SMPD3: variants seen among roughly 807,000 people sequenced by gnomAD.
SMPD3 encodes nSMase-2.
Under a neutral mutation model 55.7 loss-of-function variants are expected in SMPD3, and 21 were observed. That is an observed-to-expected ratio of 0.38 (90% CI 0.27 to 0.54). The LOEUF (loss-of-function observed/expected upper bound fraction) is 0.54. Among genes scored for constraint, SMPD3 ranks in the 20% least tolerant of loss-of-function variants. SMPD3 has a pLI of 0.80. For synonymous variants in SMPD3, 457 were observed against 404.3 expected, an observed-to-expected ratio of 1.13 and a Z score of -1.56; for missense variants, 842 against 899.6, an observed-to-expected ratio of 0.94 and a Z score of 0.82.
At position 68,447,658 on chromosome 16, in the gene SMPD3, G is replaced by T. The variant is rs977698138; in HGVS notation, c.-269+695C>A. ...GCGACTCCGAGAAGGATGGGGAGGG[G>T]TCTCCCAGCGTTTCCCTGCCACATT... is the stretch of plus-strand genomic sequence containing the variant. On this transcript the variant is annotated intron_variant, in intron 1 of 8. Transcript: ENST00000219334. This position sits in a 1 kb window ranked among gnomAD's most constrained non-coding sequence, Gnocchi z 5.1. Among the ~76,000 whole-genome samples, 4 of 152,172 alleles carry T rather than the reference G, an allele frequency of 2.6e-5. No homozygotes were observed. The highest frequency in any genetic ancestry group is 9.7e-5 in the African/African-American group (4 of 41,444).
At chr16:68,405,898 G>A (rs1334388759) in intron 1 of SMPD3, among the ~76,000 whole-genome samples, 5 of 152,164 alleles carry the variant, frequency 3.3e-5, no homozygotes, top group Non-Finnish European at 5.9e-5. Flanking sequence ...GCTGTCGTCC[G>A]CCCTTAACCC....
At chr16:68,408,043 T>C (rs2152016381) in intron 1 of SMPD3, among the ~76,000 whole-genome samples, 1 of 152,322 alleles carries the variant, frequency 6.6e-6, no homozygotes, top group South Asian at 2.1e-4. Flanking sequence ...ACAAATTTTC[T>C]AACCACCAAT....
intron 1 of SMPD3, among the ~76,000 whole-genome samples, chr16:68,392,860 C>G: frequency 1.6e-5 from 1 of 62,594 alleles, no homozygotes; most frequent in African/African-American, 7.5e-5. Flanking sequence ...AAAAAAGATG[C>G]CAAAGTGCTC....
At position 68,371,576 on chromosome 16, in the gene SMPD3, C is replaced by T. The variant is rs547837829; in HGVS notation, c.606G>A (p.Gly202=). ...CCACAGAGGCTGTCCTCTTAATGCT[C>T]CCGGGGACGGCCCGGGCCACCCCAT... ...GGDGVARAVP[G]SIKRTASVEY... Residue 202 remains glycine (G), a synonymous_variant, in exon 3 of 9, where the codon GGG becomes GGA. Transcript: ENST00000219334. The T allele has an allele frequency of 4.3e-5, 68 of 1,583,870 alleles. No homozygotes were observed. Among genetic ancestry groups the T allele is most frequent in the African/African-American group, 2.8e-4 (21 of 74,024 alleles).
chr16:68,397,309 T>C (rs2090166190), intron 1 of SMPD3, among the ~76,000 whole-genome samples: 1 of 152,208 alleles, frequency 6.6e-6, no homozygotes, highest in African/African-American at 2.4e-5. Context: ...GCTGCCATGA[T>C]TTGTTCTTAA....
chr16:68,368,225 C>T (rs2089544036), intron 3 of SMPD3: 1 of 152,424 alleles, frequency 6.6e-6, no homozygotes, highest in South Asian at 2.1e-4. Context: ...TGAGGGAGCT[C>T]CATGAGGTGG....
chr16:68,429,963 C>A (rs2090466634), intron 1 of SMPD3, among the ~76,000 whole-genome samples: 1 of 152,164 alleles, frequency 6.6e-6, no homozygotes, highest in South Asian at 2.1e-4. Flanking sequence ...AGGGATAAAC[C>A]CACTCCCCTC....
At chr16:68,380,410 C>A (rs569955884) in intron 2 of SMPD3, among the ~76,000 whole-genome samples, 1 of 152,394 alleles carries the variant, frequency 6.6e-6, no homozygotes, top group South Asian at 2.1e-4. Context: ...CAATCACAGG[C>A]CACAGCTGAG....
chr16:68,399,469 C>A (rs542243897), intron 1 of SMPD3, among the ~76,000 whole-genome samples: 8 of 152,222 alleles, frequency 5.3e-5, no homozygotes, highest in Non-Finnish European at 7.3e-5. Context: ...GCTGTCCCCA[C>A]GCCCCCAGTA....
At chr16:68,414,451 C>T (rs1373625056) in intron 1 of SMPD3, among the ~76,000 whole-genome samples, 1 of 152,252 alleles carries the variant, frequency 6.6e-6, no homozygotes, top group East Asian at 1.9e-4. Flanking sequence ...GTCTCTCCCA[C>T]ACTGGGCCAC....
chr16:68,377,787 G>C (rs1273761416), intron 2 of SMPD3, among the ~76,000 whole-genome samples: 1 of 152,202 alleles, frequency 6.6e-6, no homozygotes, highest in South Asian at 2.1e-4. Flanking sequence ...CACTGGCTCT[G>C]CTTGCACAGT....
In SMPD3 at chr16:68,360,533, G is replaced by A. The variant is rs1430007474; in HGVS notation, c.*673C>T. The stretch of plus-strand genomic sequence containing the variant: ...GTGACTTACAGACCCTGTGAAGTGA[G>A]GGTTGGTTTTGTGATTAACCTTTTT... On this transcript the variant is annotated 3_prime_UTR_variant, in exon 9 of 9. Transcript: ENST00000219334. 6.5e-6 allele frequency: 1 copy of A among 152,914 alleles called. No homozygotes were observed. The highest frequency in any genetic ancestry group is 2.4e-5 in the African/African-American group (1 of 41,458). 9.5% of individuals were successfully genotyped at this position (152,914 alleles called of 1,614,324 possible).
In SMPD3 at chr16:68,359,426, C is replaced by T. The variant is rs1490667451; in HGVS notation, c.*1780G>A. The stretch of plus-strand genomic sequence containing the variant: ...GCTTGGGCCCGGGCAGACGGTGCTT[C>T]CCAGGCCAGGTGAGTTCAGACAGGC... On this transcript the variant is annotated 3_prime_UTR_variant, in exon 9 of 9. Transcript: ENST00000219334. The T allele has an allele frequency of 1.3e-5, 2 of 152,684 alleles. No homozygotes were observed. Among genetic ancestry groups the T allele is most frequent in the Non-Finnish European group, 2.9e-5 (2 of 68,192 alleles). The allele number at this position is 152,684 out of a possible 1,614,324, so 9.5% of individuals were successfully genotyped here.
chr16:68,383,233 C>G (rs2089986983), intron 2 of SMPD3, among the ~76,000 whole-genome samples: 1 of 152,182 alleles, frequency 6.6e-6, no homozygotes, highest in Non-Finnish European at 1.5e-5. Flanking sequence ...CTGCTCAGAG[C>G]ATGCTGGCTG....
intron 2 of SMPD3, among the ~76,000 whole-genome samples, chr16:68,385,672 C>G (rs765752587): frequency 2.0e-5 from 3 of 152,198 alleles, no homozygotes; most frequent in Non-Finnish European, 4.4e-5. Flanking sequence ...TGGGCTCTTA[C>G]AGTAGTCTTG....
chr16:68,360,978 G>GGCACTGGTTA lies in SMPD3; in HGVS notation c.*218_*227dup. Reference sequence around the variant, plus strand: ...GTAGAAAATCGTGTTGTGAAAGAATGGCACTGGTTAGGCAGCTGGAGGCTC... The same window carrying GGCACTGGTTA: ...GTAGAAAATCGTGTTGTGAAAGAATGGCACTGGTTAGCACTGGTTAGGCAGCTGGAGGCTC... On this transcript the variant is annotated 3_prime_UTR_variant, in exon 9 of 9. Transcript: ENST00000219334. 1 of 534,614 alleles carries GGCACTGGTTA rather than the reference G, an allele frequency of 1.9e-6. No individual in the cohort carries two copies. Among genetic ancestry groups the GGCACTGGTTA allele is most frequent in the South Asian group, 2.5e-5 (1 of 39,852 alleles). The allele number at this position is 534,614 out of a possible 1,614,324, so 33.1% of individuals were successfully genotyped here.
At chr16:68,423,760 G>C (rs1459351978) in intron 1 of SMPD3, among the ~76,000 whole-genome samples, 1 of 152,092 alleles carries the variant, frequency 6.6e-6, no homozygotes, top group Non-Finnish European at 1.5e-5. Flanking sequence ...TTACCCACCA[G>C]CAGGTACTTC....
At chr16:68,388,177 G>A (rs377251109) in intron 1 of SMPD3, among the ~76,000 whole-genome samples, 218 of 152,306 alleles carry the variant, frequency 1.4e-3, no homozygotes, top group African/African-American at 5.1e-3. Flanking sequence ...TGCTCTGCAC[G>A]TGGTGACCTG....
At chr16:68,381,503 C>A (rs1206810432) in intron 2 of SMPD3, among the ~76,000 whole-genome samples, 3 of 152,246 alleles carry the variant, frequency 2.0e-5, no homozygotes, top group Non-Finnish European at 1.5e-5. Context: ...AGAGGTAGGA[C>A]TGCACTTCCT....
Sources: gnomAD v4.1 joint callset for allele counts (sites outside exome capture counted in the v4.1 genomes callset) on GRCh38, gnomAD v4.1.1 for gene constraint, Gnocchi (gnomAD v3.1) non-coding constraint, MANE v1.5 for transcripts, NCBI Gene and HGNC (gene_info 2026-07-23, HGNC 2026-07-21) for gene names.